The following PTPRQ variants were observed in gnomAD, a reference collection of about 807,000 sequenced individuals.
PTPRQ encodes the protein protein tyrosine phosphatase receptor type Q.
In PTPRQ, 199 loss-of-function variants were observed where a neutral mutation model predicts 246.0. The observed-to-expected ratio is 0.81, with a 90% CI of 0.72 to 0.91. The LOEUF is 0.91. Ranked by LOEUF, PTPRQ falls within the 40% of genes least tolerant of loss-of-function variation. PTPRQ has a pLI of 0.00. For synonymous variants in PTPRQ, 869 were observed against 853.2 expected, an observed-to-expected ratio of 1.02 and a Z score of -0.32; for missense variants, 2,624 against 2,528.4, an observed-to-expected ratio of 1.04 and a Z score of -0.81.
Position 80,552,645 on chromosome 12 carries a change from TTATATATATATATATATATATATA to T in PTPRQ, c.4285+2937_4285+2960del, listed in dbSNP as rs71094985. Among the ~76,000 whole-genome samples the T allele has an allele frequency of 1.5e-3, 114 of 76,474 alleles. 2 individuals are homozygous for T. Among genetic ancestry groups the T allele is most frequent in the African/African-American group, 4.6e-3 (93 of 20,062 alleles). The allele number at this position is 76,474 out of a possible 152,430, so 50.2% of individuals were successfully genotyped here. On this transcript the variant is annotated intron_variant, in intron 25 of 44. Transcript: ENST00000644991. ...TCCAGGTCTTTGTAAAAAAAAAAAATTATATATATATATATATATATATATATATATATATATATATATATATAT... is the reference window on the plus strand; with the variant it reads ...TCCAGGTCTTTGTAAAAAAAAAAAATTATATATATATATATATATATATAT...
intron 35 of PTPRQ, among the ~76,000 whole-genome samples, chr12:80,644,371 A>G (rs1242767361): frequency 2.0e-5 from 3 of 152,138 alleles, no homozygotes; most frequent in African/African-American, 7.2e-5. Flanking sequence ...ACAGTTCCCA[A>G]ATTGATTTAT....
intron 24 of PTPRQ, 116 bp from the exon 25 acceptor site, chr12:80,549,349 A>G (rs1896399826): frequency 8.0e-7 from 1 of 1,250,600 alleles, no homozygotes; most frequent in Non-Finnish European, 1.1e-6. Flanking sequence ...AAAATTTGAT[A>G]TATTAAATAT....
intron 30 of PTPRQ, among the ~76,000 whole-genome samples, chr12:80,618,453 T>C (rs372108909): frequency 6.6e-6 from 1 of 150,974 alleles, no homozygotes; most frequent in African/African-American, 2.4e-5. Flanking sequence ...TACATATATT[T>C]TGGAGATATT....
chr12:80,629,862 A>G (rs1899355463), intron 33 of PTPRQ, among the ~76,000 whole-genome samples: 1 of 152,108 alleles, frequency 6.6e-6, no homozygotes, highest in Admixed American at 6.5e-5. Flanking sequence ...ACATACATAA[A>G]ACTAGAAAAA....
At chr12:80,536,797 AC>A (rs1367463098) in intron 19 of PTPRQ, among the ~76,000 whole-genome samples, 6 of 152,174 alleles carry the variant, frequency 3.9e-5, no homozygotes, top group Admixed American at 1.3e-4. Flanking sequence ...ATGTCATTAT[AC>A]CCATAGAAGA....
chr12:80,495,457 A>G (rs1035948031), intron 12 of PTPRQ, 86 bp downstream of exon 12: 17 of 1,437,086 alleles, frequency 1.2e-5, no homozygotes, highest in Non-Finnish European at 1.4e-5. Context: ...CCTGTGCCTT[A>G]TATACTACAG....
intron 25 of PTPRQ, among the ~76,000 whole-genome samples, chr12:80,554,916 G>T (rs931622923): frequency 6.6e-6 from 1 of 151,850 alleles, no homozygotes; most frequent in African/African-American, 2.4e-5. Context: ...CTTATTTTTT[G>T]TTTGTTTGTT....
At chr12:80,569,427 A>G (rs1005517739) in intron 25 of PTPRQ, among the ~76,000 whole-genome samples, 1 of 149,216 alleles carries the variant, frequency 6.7e-6, no homozygotes, top group Non-Finnish European at 1.5e-5. Flanking sequence ...ATTGGGAGAT[A>G]TACCTAATGC....
chr12:80,476,336 T>C (rs112283650), intron 8 of PTPRQ, among the ~76,000 whole-genome samples: 1,859 of 152,228 alleles, frequency 0.012, 47 homozygotes, highest in African/African-American at 0.042. Flanking sequence ...CAATATATTT[T>C]AGTGAAATAA....
chr12:80,478,021 G>A (rs1893882404), intron 8 of PTPRQ, among the ~76,000 whole-genome samples: 1 of 152,228 alleles, frequency 6.6e-6, no homozygotes, highest in African/African-American at 2.4e-5. Flanking sequence ...ACTGGGTGGA[G>A]CCCACAACAG....
intron 20 of PTPRQ, among the ~76,000 whole-genome samples, chr12:80,541,235 T>C (rs970463439): frequency 3.9e-5 from 6 of 151,904 alleles, no homozygotes; most frequent in Non-Finnish European, 7.4e-5. Context: ...AATATTTAAA[T>C]AAGGCAGTAT....
chr12:80,601,999 A>G (rs566799201), intron 26 of PTPRQ, among the ~76,000 whole-genome samples: 3 of 151,718 alleles, frequency 2.0e-5, no homozygotes, highest in Admixed American at 1.3e-4. Context: ...CTTCATCATT[A>G]GCATCTCTTA....
At chr12:80,542,670 G>A (rs1008970391) in intron 22 of PTPRQ, 60 bp from the exon 23 acceptor site, 10 of 1,482,530 alleles carry the variant, frequency 6.7e-6, no homozygotes, top group African/African-American at 5.8e-5. Context: ...AGTAAGTCAC[G>A]GTGCTATTTT....
intron 27 of PTPRQ, among the ~76,000 whole-genome samples, chr12:80,606,542 G>A (rs1898328253): frequency 6.6e-6 from 1 of 150,794 alleles, no homozygotes; most frequent in Non-Finnish European, 1.5e-5. Context: ...ACCCTGCTTG[G>A]GTTTTGCTGG....
chr12:80,538,049 C>T (rs1261328287), intron 19 of PTPRQ, among the ~76,000 whole-genome samples: 1 of 151,986 alleles, frequency 6.6e-6, no homozygotes, highest in Non-Finnish European at 1.5e-5. Context: ...GTGGAGGTTG[C>T]AGTGAGCCGA....
intron 38 of PTPRQ, among the ~76,000 whole-genome samples, chr12:80,653,148 A>C (rs1213079540): frequency 2.6e-5 from 4 of 152,172 alleles, no homozygotes. Context: ...ACCTAGCATC[A>C]AATGCAAAGG....
chr12:80,581,209 A>G (rs1897423441), intron 25 of PTPRQ, among the ~76,000 whole-genome samples: 1 of 152,196 alleles, frequency 6.6e-6, no homozygotes, highest in African/African-American at 2.4e-5. Context: ...CTAGGGAGAG[A>G]AAATTGAAAC....
At chr12:80,589,899 T>C (rs1897736582) in intron 26 of PTPRQ, among the ~76,000 whole-genome samples, 2 of 152,200 alleles carry the variant, frequency 1.3e-5, no homozygotes, top group Non-Finnish European at 1.5e-5. Context: ...GAGAGAGCTG[T>C]ACTTGGCCCT....
Position 80,468,711 on chromosome 12 carries a change from G to A in PTPRQ, c.912G>A (p.Val304=), listed in dbSNP as rs1893525737. The change falls in exon 7 of 45, where the codon GTG becomes GTA. Residue 304 remains valine (V), a splice_region_variant and synonymous_variant. Transcript: ENST00000644991. The part of the protein sequence containing the change: ...DSTIVRTPES[V]PEGPPQNCVT... ...ATTTATTTTCTATAATTATTTTAGT[G>A]CCTGAAGGACCACCACAAAACTGCG... 13 of 1,535,008 alleles carry A rather than the reference G, an allele frequency of 8.5e-6. No individual in the cohort carries two copies. Among genetic ancestry groups the A allele is most frequent in the Non-Finnish European group, 1.1e-5 (13 of 1,140,808 alleles).
Sources: gnomAD v4.1 joint callset for allele counts (sites outside exome capture counted in the v4.1 genomes callset) on GRCh38, gnomAD v4.1.1 for gene constraint, MANE v1.5 for transcripts, NCBI Gene and HGNC (gene_info 2026-07-23, HGNC 2026-07-21) for gene names.